RIMS2: variants seen among roughly 807,000 people sequenced by gnomAD.
RIMS2 encodes the protein regulating synaptic membrane exocytosis protein 2.
A neutral mutation model predicts 174.4 loss-of-function variants in RIMS2; 59 were observed. That is an observed-to-expected ratio of 0.34 (90% CI 0.27 to 0.42). The LOEUF is 0.42. Among genes scored for constraint, RIMS2 ranks in the 10% least tolerant of loss-of-function variants. The pLI is 1.00. For missense variants in RIMS2, 1,620 were observed against 1,666.3 expected (o/e 0.97, Z 0.48); for synonymous variants, 606 against 572.5 (o/e 1.06, Z -0.84).
chr8:103,571,294 A>G (rs1193528561), intron 1 of RIMS2, among the ~76,000 whole-genome samples: 2 of 152,206 alleles, frequency 1.3e-5, no homozygotes, highest in African/African-American at 4.8e-5. Flanking sequence ...CTAATATACA[A>G]CATTCATAAT....
intron 3 of RIMS2, among the ~76,000 whole-genome samples, chr8:103,785,635 G>A (rs961579102): frequency 6.6e-6 from 1 of 152,014 alleles, no homozygotes. Context: ...TGATCATGGT[G>A]GATAAGCTTT....
rs1467913472 is a variant in RIMS2, at chr8:103,962,260, T to C, written c.2770+1127T>C. On this transcript the variant is annotated intron_variant, in intron 15 of 23. Transcript: ENST00000504942. The stretch of plus-strand genomic sequence containing the variant: ...ATTTCTTTATTTAATATGATCATTT[T>C]AAGTTTTTCCCTCCTATAAAAGGAG... Among the ~76,000 whole-genome samples the C allele has an allele frequency of 2.0e-5, 3 of 152,180 alleles. No individual in the cohort carries two copies. In the South Asian group the frequency reaches 6.2e-4, roughly 31 times the overall value.
At chr8:103,779,903 T>TAA (rs556424042) in intron 3 of RIMS2, among the ~76,000 whole-genome samples, 14 of 144,830 alleles carry the variant, frequency 9.7e-5, no homozygotes, top group African/African-American at 3.5e-4. Context: ...AAGGTATAAT[T>TAA]AAAAAAAAAA....
chr8:104,192,538 G>T (rs539821688), intron 19 of RIMS2, among the ~76,000 whole-genome samples: 3 of 152,130 alleles, frequency 2.0e-5, no homozygotes, highest in Non-Finnish European at 2.9e-5. Context: ...CATTTTAAAT[G>T]TATTAGCTAA....
intron 23 of RIMS2, among the ~76,000 whole-genome samples, chr8:104,251,366 C>T (rs943897500): frequency 4.6e-5 from 7 of 152,156 alleles, no homozygotes; most frequent in Non-Finnish European, 5.9e-5. Flanking sequence ...CAAATCCCCA[C>T]CACACGTAAA....
At chr8:103,725,988 C>G (rs2097523612) in intron 2 of RIMS2, among the ~76,000 whole-genome samples, 1 of 151,982 alleles carries the variant, frequency 6.6e-6, no homozygotes, top group Non-Finnish European at 1.5e-5. Context: ...CAATCTTGTG[C>G]CTATTTTAAA....
At chr8:103,867,069 A>G (rs1408064408) in intron 3 of RIMS2, among the ~76,000 whole-genome samples, 2 of 151,960 alleles carry the variant, frequency 1.3e-5, no homozygotes, top group African/African-American at 4.8e-5. Context: ...AATGTTTAAT[A>G]TAAAAATTTG....
chr8:104,161,932 T>G (rs1011626640), intron 19 of RIMS2, among the ~76,000 whole-genome samples: 6 of 152,222 alleles, frequency 3.9e-5, no homozygotes, highest in Admixed American at 6.5e-5. Context: ...ATCTTTCTTG[T>G]GCATTTAATC....
At chr8:103,587,441 A>G (rs778191983) in intron 1 of RIMS2, among the ~76,000 whole-genome samples, 2 of 124,438 alleles carry the variant, frequency 1.6e-5, no homozygotes, top group Middle Eastern at 4.1e-3. Flanking sequence ...AGAAAGAAAG[A>G]AAGAAAGAAA....
intron 19 of RIMS2, among the ~76,000 whole-genome samples, chr8:104,027,778 G>T (rs2096286397): frequency 6.6e-6 from 1 of 152,132 alleles, no homozygotes; most frequent in African/African-American, 2.4e-5. Flanking sequence ...TAATTTTTCA[G>T]TGCTTATCCT....
chr8:103,867,551 G>T (rs551115860), intron 3 of RIMS2, among the ~76,000 whole-genome samples: 1 of 151,942 alleles, frequency 6.6e-6, no homozygotes, highest in African/African-American at 2.4e-5. Flanking sequence ...TTGATTAATA[G>T]TTAAGGTAAA....
chr8:103,631,673 A>G (rs554499529), intron 1 of RIMS2, among the ~76,000 whole-genome samples: 1 of 152,286 alleles, frequency 6.6e-6, no homozygotes, highest in African/African-American at 2.4e-5. Context: ...GAAGAATGTC[A>G]TTAGTAGTTT....
chr8:103,796,660 A>G (rs1044438611), intron 3 of RIMS2, among the ~76,000 whole-genome samples: 7 of 152,150 alleles, frequency 4.6e-5, no homozygotes, highest in African/African-American at 7.2e-5. Flanking sequence ...TATTCTAGCT[A>G]TGTATGTGTG....
intron 19 of RIMS2, among the ~76,000 whole-genome samples, chr8:104,050,884 A>T (rs2096774267): frequency 6.6e-6 from 1 of 152,044 alleles, no homozygotes; most frequent in Non-Finnish European, 1.5e-5. Context: ...TGAATCCCTT[A>T]CTCTTTGCCC....
Position 103,799,658 on chromosome 8 carries a change from GA to G in RIMS2, c.698+33122del, listed in dbSNP as rs2098591291. Reference sequence around the variant, plus strand: ...CATGTGTTTGCAGTCTGGTGGATATGAGGGGGTATTTTTGTTTTAATTTGCA... The same window carrying G: ...CATGTGTTTGCAGTCTGGTGGATATGGGGGGTATTTTTGTTTTAATTTGCA... On this transcript the variant is annotated intron_variant, in intron 3 of 23. Coordinates refer to ENST00000504942, the Ensembl canonical transcript of RIMS2. 4.6e-5 allele frequency among the ~76,000 whole-genome samples: 7 copies of G among 152,268 alleles called. No individual in the cohort carries two copies. The South Asian group carries it at 1.5e-3, about 32-fold the overall frequency.
intron 1 of RIMS2, among the ~76,000 whole-genome samples, chr8:103,613,386 G>T (rs1229300385): frequency 2.6e-5 from 4 of 152,108 alleles, no homozygotes; most frequent in Non-Finnish European, 5.9e-5. Context: ...TTCACTTAAC[G>T]CCCAAGGGCT....
intron 1 of RIMS2, among the ~76,000 whole-genome samples, chr8:103,577,613 T>TA (rs2093340816): frequency 6.6e-6 from 1 of 152,206 alleles, no homozygotes; most frequent in Admixed American, 6.5e-5. Context: ...AGTATAATTT[T>TA]AAAAAATTTA....
At chr8:103,516,048 T>G (rs1466689763) in intron 1 of RIMS2, among the ~76,000 whole-genome samples, 1 of 152,130 alleles carries the variant, frequency 6.6e-6, no homozygotes, top group East Asian at 1.9e-4. Context: ...TGTCTTTTTT[T>G]CTTTTTGGTT....
At chr8:103,952,697 C>T (rs573573386) in intron 14 of RIMS2, among the ~76,000 whole-genome samples, 1 of 152,138 alleles carries the variant, frequency 6.6e-6, no homozygotes, top group Non-Finnish European at 1.5e-5. Flanking sequence ...AACCAGAACG[C>T]TTCTTCTCCT....
Sources: allele counts gnomAD v4.1 joint callset (sites outside exome capture counted in the v4.1 genomes callset), GRCh38; gene constraint gnomAD v4.1.1; transcripts MANE v1.5; gene names NCBI Gene and HGNC (gene_info 2026-07-23, HGNC 2026-07-21).